Variants in CLASRP observed in about 807,000 individuals in gnomAD.
CLASRP encodes the protein CLK4 associating serine/arginine rich protein, also known as CLK4-associating serine/arginine rich protein.
In CLASRP, 52 loss-of-function variants were observed where a neutral mutation model predicts 99.9. That is an observed-to-expected ratio of 0.52 (90% confidence interval 0.42 to 0.66). CLASRP has a LOEUF of 0.66. Among genes scored for constraint, CLASRP ranks in the 30% least tolerant of loss-of-function variants. The pLI, the probability that CLASRP is intolerant of heterozygous loss-of-function variation, is 0.00. For missense variants in CLASRP, 848 were observed against 999.2 expected (o/e 0.85, Z 2.04); for synonymous variants, 379 against 373.0 (o/e 1.02, Z -0.18).
intron 2 of CLASRP, among the ~76,000 whole-genome samples, chr19:45,047,959 C>T (rs1971952386): frequency 6.6e-6 from 1 of 151,778 alleles, no homozygotes; most frequent in Admixed American, 6.6e-5. Flanking sequence ...TTGGTGCATG[C>T]CTGTACTCGG....
chr19:45,058,212 C>T (rs923486423), intron 7 of CLASRP: 12 of 364,376 alleles, frequency 3.3e-5, no homozygotes, highest in Non-Finnish European at 4.7e-5. Context: ...TCTCTTCCCT[C>T]CTCTGGAAAA....
rs1396192258 is a variant in CLASRP, at chr19:45,060,244, G to A, written c.711-145G>A. The A allele has an allele frequency of 5.9e-6, 4 of 683,472 alleles. No individual in the cohort carries two copies. The highest frequency in any genetic ancestry group is 2.4e-4 in the Middle Eastern group (1 of 4,130). 42.3% of individuals were successfully genotyped at this position (683,472 alleles called of 1,614,324 possible). ...AGATAGCACCTGGCACACAGAGGGT[G>A]CTTGATAAGTGGCATTGAATGAAAG... On this transcript the variant is annotated intron_variant, in intron 8 of 20. Transcript: ENST00000221455. This position sits in a 1 kb window ranked among gnomAD's most constrained non-coding sequence, Gnocchi z 4.6.
chr19:45,044,685 C>T (rs1006606979), intron 2 of CLASRP, among the ~76,000 whole-genome samples: 2 of 152,150 alleles, frequency 1.3e-5, no homozygotes, highest in Admixed American at 1.3e-4. Flanking sequence ...AAGATGAGAC[C>T]TGGGAGGGTG....
chr19:45,070,742 G>T, intron 20 of CLASRP, 61 bp from the exon 21 acceptor site: 3 of 1,442,020 alleles, frequency 2.1e-6, no homozygotes, highest in Non-Finnish European at 2.9e-6. Context: ...AGCATCCACG[G>T]CCCCAGGTGT....
chr19:45,060,997 C>G lies in CLASRP; in HGVS notation c.863+370C>G, dbSNP rs551343331. Among the ~76,000 whole-genome samples the G allele has an allele frequency of 6.6e-6, 1 of 152,184 alleles. No individual in the cohort carries two copies. The highest frequency in any genetic ancestry group is 1.5e-5 in the Non-Finnish European group (1 of 68,036). ...GTCGGAGTTTGGACAAGTGACTTCC[C>G]GAACTCTCTGAGCTTCAATTTTTTC... On this transcript the variant is annotated intron_variant, in intron 10 of 20. Coordinates refer to ENST00000221455, the MANE Select transcript of CLASRP (RefSeq NM_007056.3). The surrounding 1 kb of genome is among the most constrained non-coding windows in gnomAD (Gnocchi z 4.6).
chr19:45,054,044 G>A lies in CLASRP; in HGVS notation c.379+867G>A, dbSNP rs193187396. ...GCCAGCATTTGACAATTTGCCAAGT[G>A]TTCATGTATGTCCAGGAATTTTCTC... On this transcript the variant is annotated intron_variant, in intron 5 of 20. Coordinates refer to ENST00000221455, the MANE Select transcript of CLASRP (RefSeq NM_007056.3). Among the ~76,000 whole-genome samples the A allele has an allele frequency of 6.7e-3, 1,019 of 152,314 alleles. 11 individuals carry two copies. Among genetic ancestry groups the A allele is most frequent in the Non-Finnish European group, 8.4e-3 (574 of 68,038 alleles).
intron 5 of CLASRP, among the ~76,000 whole-genome samples, chr19:45,054,545 G>A (rs987534649): frequency 2.0e-5 from 3 of 152,196 alleles, no homozygotes; most frequent in Non-Finnish European, 2.9e-5. Context: ...CACCGCGCCT[G>A]GCCATCACCC....
intron 13 of CLASRP, among the ~76,000 whole-genome samples, chr19:45,066,624 A>AT: frequency 7.1e-6 from 1 of 140,412 alleles, no homozygotes; most frequent in South Asian, 2.2e-4. Flanking sequence ...GACTGTCTCA[A>AT]AAAAAAAAAA....
Position 45,064,490 on chromosome 19 carries a change from C to G in CLASRP, c.1269C>G (p.Ser423=). The change falls in exon 13 of 21, where the codon TCC becomes TCG. Residue 423 remains serine, a synonymous_variant. Transcript: ENST00000221455. ...CCCGCTCCCGGTCCCGCTCCTGGTC[C>G]CGCTCCCGCTCCCGCTCCCGGCGCT... The part of the protein sequence containing the change: ...RHARSRSRSW[S]RSRSRSRRYS... The G allele has an allele frequency of 6.5e-7, 1 of 1,531,948 alleles. No individual in the cohort carries two copies. The highest frequency in any genetic ancestry group is 8.8e-7 in the Non-Finnish European group (1 of 1,142,680). 94.9% of individuals were successfully genotyped at this position (1,531,948 alleles called of 1,614,324 possible). A position where few individuals can be genotyped will look rare whatever the true frequency, so the allele number is the denominator to read the frequency against.
At chr19:45,063,282 C>T (rs1966982111) in intron 11 of CLASRP, among the ~76,000 whole-genome samples, 2 of 151,666 alleles carry the variant, frequency 1.3e-5, no homozygotes, top group Non-Finnish European at 1.5e-5. Flanking sequence ...GCTGGGATTA[C>T]AGGCATGAGC....
chr19:45,041,158 G>T (rs1971805046), intron 2 of CLASRP, among the ~76,000 whole-genome samples: 1 of 150,734 alleles, frequency 6.6e-6, no homozygotes, highest in Admixed American at 6.7e-5. Context: ...GAGGGGGGCA[G>T]AGCGGAGCCT....
chr19:45,059,918 C>T (rs971926218), intron 8 of CLASRP, among the ~76,000 whole-genome samples: 3 of 152,196 alleles, frequency 2.0e-5, no homozygotes, highest in Non-Finnish European at 4.4e-5. Context: ...TCCCCCGCTG[C>T]CCAGCCTGCA....
intron 15 of CLASRP, 103 bp from the exon 16 acceptor site, chr19:45,068,317 C>A: frequency 1.6e-6 from 1 of 636,198 alleles, no homozygotes; most frequent in Non-Finnish European, 2.8e-6. Context: ...GTTCTCCCCC[C>A]CCCACCCCCC....
At chr19:45,061,322 A>G (rs1966933709) in intron 10 of CLASRP, among the ~76,000 whole-genome samples, 1 of 152,244 alleles carries the variant, frequency 6.6e-6, no homozygotes, top group Admixed American at 6.5e-5. Context: ...GCACAGAGGC[A>G]CACAGAGGGT....
intron 13 of CLASRP, among the ~76,000 whole-genome samples, chr19:45,065,173 T>C (rs889272927): frequency 6.6e-6 from 1 of 151,378 alleles, no homozygotes; most frequent in Non-Finnish European, 1.5e-5. Context: ...CAGGCGGATC[T>C]CCTGAGCTCA....
chr19:45,056,580 T>A, intron 6 of CLASRP, 46 bp downstream of exon 6: 1 of 1,525,286 alleles, frequency 6.6e-7, no homozygotes, highest in Non-Finnish European at 9.1e-7. Context: ...GCAGGAGGGC[T>A]GGGAGCCCCA....
At chr19:45,044,886 C>CTA (rs1474702369) in intron 2 of CLASRP, among the ~76,000 whole-genome samples, 1 of 152,156 alleles carries the variant, frequency 6.6e-6, no homozygotes, top group Non-Finnish European at 1.5e-5. Context: ...TCCCACTTAT[C>CTA]TATAGTGTGA....
intron 6 of CLASRP, 27 bp downstream of exon 6, chr19:45,056,561 G>T (rs767869867): frequency 5.6e-6 from 9 of 1,597,242 alleles, no homozygotes; most frequent in Non-Finnish European, 7.7e-6. Flanking sequence ...GGTGCAGGGG[G>T]TTGAGGAGGC....
At chr19:45,053,066 C>G in intron 4 of CLASRP, 32 bp from the exon 5 acceptor site, 1 of 1,612,800 alleles carries the variant, frequency 6.2e-7, no homozygotes, top group African/African-American at 1.3e-5. Flanking sequence ...CACTCCTTCT[C>G]TCTGATTTCA....
Sources: gnomAD v4.1 joint callset for allele counts (sites outside exome capture counted in the v4.1 genomes callset) on GRCh38, gnomAD v4.1.1 for gene constraint, Gnocchi (gnomAD v3.1) non-coding constraint, MANE v1.5 for transcripts, NCBI Gene and HGNC (gene_info 2026-07-23, HGNC 2026-07-21) for gene names.